Variants in SLC39A12 observed in about 807,000 individuals in gnomAD.
The protein encoded by SLC39A12 is zinc transporter ZIP12.
In SLC39A12, 63 loss-of-function variants were observed where a neutral mutation model predicts 71.1. That is an observed-to-expected ratio of 0.89 (90% confidence interval 0.72 to 1.09). The LOEUF (loss-of-function observed/expected upper bound fraction) is 1.09. Among genes scored for constraint, SLC39A12 ranks in the 50% least tolerant of loss-of-function variants. The probability of loss-of-function intolerance (pLI) is 0.00; values close to 1 mark genes in which losing one functional copy is unlikely to be tolerated. For synonymous variants in SLC39A12, 351 were observed against 301.3 expected (o/e 1.16, Z -1.71); for missense variants, 892 against 812.6 (o/e 1.10, Z -1.19).
At chr10:17,997,837 A>G (rs1180672646) in intron 10 of SLC39A12, among the ~76,000 whole-genome samples, 2 of 152,222 alleles carry the variant, frequency 1.3e-5, no homozygotes, top group African/African-American at 2.4e-5. Context: ...AAGCACAGTG[A>G]TACCACTTCC....
intron 12 of SLC39A12, among the ~76,000 whole-genome samples, chr10:18,016,506 C>A (rs1291640152): frequency 6.6e-6 from 1 of 152,216 alleles, no homozygotes; most frequent in Non-Finnish European, 1.5e-5. Flanking sequence ...GCTATAAATA[C>A]ACTTGAGCAG....
intron 6 of SLC39A12, among the ~76,000 whole-genome samples, chr10:17,982,804 GA>G (rs1052744940): frequency 1.5e-4 from 23 of 152,034 alleles, no homozygotes; most frequent in African/African-American, 4.1e-4. Flanking sequence ...TAAGGCCTCG[GA>G]AAAAAATTGT....
chr10:17,970,406 T>A, intron 4 of SLC39A12, among the ~76,000 whole-genome samples: 1 of 152,220 alleles, frequency 6.6e-6, no homozygotes, highest in South Asian at 2.1e-4. Context: ...TATTTATTTT[T>A]CCAATCCATG....
intron 4 of SLC39A12, among the ~76,000 whole-genome samples, chr10:17,967,766 A>G (rs997637705): frequency 2.6e-5 from 4 of 151,468 alleles, no homozygotes; most frequent in Non-Finnish European, 4.4e-5. Context: ...GGGCGCCTGT[A>G]GTCCCAGCTA....
chr10:18,030,320 T>C (rs1044619620), intron 12 of SLC39A12, among the ~76,000 whole-genome samples: 1 of 151,702 alleles, frequency 6.6e-6, no homozygotes, highest in Non-Finnish European at 1.5e-5. Context: ...TGGAGCACAG[T>C]GGCGCCTCCC....
intron 12 of SLC39A12, among the ~76,000 whole-genome samples, chr10:18,011,529 G>A (rs186821232): frequency 2.0e-5 from 3 of 152,288 alleles, no homozygotes; most frequent in Non-Finnish European, 2.9e-5. Flanking sequence ...GCTATAAGTC[G>A]TTAAGTTTTG....
At chr10:17,982,815 T>C (rs1835295264) in intron 6 of SLC39A12, among the ~76,000 whole-genome samples, 1 of 152,124 alleles carries the variant, frequency 6.6e-6, no homozygotes, top group Non-Finnish European at 1.5e-5. Context: ...AAAAAAATTG[T>C]GTCTCCTCTC....
intron 12 of SLC39A12, among the ~76,000 whole-genome samples, chr10:18,021,263 A>G (rs944525419): frequency 3.3e-5 from 5 of 151,950 alleles, no homozygotes; most frequent in Admixed American, 6.6e-5. Context: ...TTTGTCAAAG[A>G]TCAGATCATT....
chr10:18,040,141 C>T (rs1028162486), intron 12 of SLC39A12, among the ~76,000 whole-genome samples: 2 of 152,164 alleles, frequency 1.3e-5, no homozygotes, highest in Admixed American at 6.5e-5. Flanking sequence ...AGTCACTTTA[C>T]TACAAAATTG....
intron 10 of SLC39A12, 115 bp downstream of exon 10, chr10:17,995,837 T>C: frequency 1.2e-6 from 1 of 832,522 alleles, no homozygotes; most frequent in Non-Finnish European, 1.8e-6. Flanking sequence ...TAGTTTATTA[T>C]GAAAAACTTT....
chr10:18,033,798 A>G (rs926247320), intron 12 of SLC39A12, among the ~76,000 whole-genome samples: 1 of 149,716 alleles, frequency 6.7e-6, no homozygotes, highest in Non-Finnish European at 1.5e-5. Flanking sequence ...AGTGCTATAA[A>G]TTTCCCTCTA....
Position 18,037,360 on chromosome 10 carries a change from G to A in SLC39A12, c.1948-5345G>A, listed in dbSNP as rs141248764. ...CATTTTTTTCTAATTAGACCAATTC[G>A]CCCTTGGTCATAATAGACAAGGATG... On this transcript the variant is annotated intron_variant, in intron 12 of 12. Transcript: ENST00000377369. 3.2e-4 allele frequency among the ~76,000 whole-genome samples: 49 copies of A among 152,100 alleles called. No individual in the cohort carries two copies. The East Asian group carries it at 5.6e-3, about 17-fold the overall frequency.
chr10:17,958,469 C>T (rs1834605385), intron 2 of SLC39A12, among the ~76,000 whole-genome samples: 1 of 152,158 alleles, frequency 6.6e-6, no homozygotes, highest in Non-Finnish European at 1.5e-5. Context: ...TAACTGACCT[C>T]TACTCCCATC....
intron 2 of SLC39A12, among the ~76,000 whole-genome samples, chr10:17,956,238 A>T (rs1554847767): frequency 6.6e-6 from 1 of 152,130 alleles, no homozygotes; most frequent in African/African-American, 2.4e-5. Flanking sequence ...TCTGAGAATC[A>T]TGTGGACATA....
chr10:18,029,000 G>A (rs1836759967), intron 12 of SLC39A12, among the ~76,000 whole-genome samples: 3 of 151,876 alleles, frequency 2.0e-5, no homozygotes, highest in Admixed American at 1.3e-4. Context: ...GATTACAGGC[G>A]TGAGCCACCA....
intron 2 of SLC39A12, 112 bp downstream of exon 2, chr10:17,953,649 A>C: frequency 8.2e-7 from 1 of 1,221,696 alleles, no homozygotes; most frequent in South Asian, 1.6e-5. Flanking sequence ...TCCAATATGC[A>C]ATTGAGCAAT....
At chr10:17,971,856 T>A (rs991535472) in intron 4 of SLC39A12, among the ~76,000 whole-genome samples, 1 of 152,198 alleles carries the variant, frequency 6.6e-6, no homozygotes, top group Non-Finnish European at 1.5e-5. Context: ...TCTTTATTAT[T>A]TCTTTGCTTC....
In SLC39A12 at chr10:17,978,456, T is replaced by C. The variant is rs140541666; in HGVS notation, c.924+382T>C. Among the ~76,000 whole-genome samples, 1,018 of 152,320 alleles carry C rather than the reference T, an allele frequency of 6.7e-3. 7 individuals carry two copies. Among genetic ancestry groups the C allele is most frequent in the Middle Eastern group, 0.024 (7 of 294 alleles). ...TATGTATCTTAAAAGTTATTTTCTGTTACCTCTGCCATGTATAATAGGAAT... is the reference window on the plus strand; with the variant it reads ...TATGTATCTTAAAAGTTATTTTCTGCTACCTCTGCCATGTATAATAGGAAT... On this transcript the variant is annotated intron_variant, in intron 5 of 12. Transcript: ENST00000377369.
In SLC39A12 at chr10:18,003,346, C is replaced by T. The variant is rs1403062915; in HGVS notation, c.1935C>T (p.Ser645=). The T allele has an allele frequency of 2.5e-6, 4 of 1,607,364 alleles. No homozygotes were observed. Among genetic ancestry groups the T allele is most frequent in the Admixed American group, 1.7e-5 (1 of 59,052 alleles). Residue 645 remains serine (S), a synonymous_variant, in exon 12 of 13, where the codon TCC becomes TCT. Transcript: ENST00000377369. ...TVTAGMFLYL[S]LVEMLPEMTH... ...CTGCTGGGATGTTCTTATATTTATC[C>T]TTGGTTGAAATGGTAAGCTTGGTGG...
Sources: allele counts gnomAD v4.1 joint callset (sites outside exome capture counted in the v4.1 genomes callset), GRCh38; gene constraint gnomAD v4.1.1; transcripts MANE v1.5; gene names NCBI Gene and HGNC (gene_info 2026-07-23, HGNC 2026-07-21).